The following CES3 variants were observed in gnomAD, a reference collection of about 807,000 sequenced individuals.
CES3 encodes the protein carboxylesterase 3 (brain).
CES3 carries 49 observed loss-of-function variants against 57.6 expected under a neutral mutation model. The observed-to-expected ratio is 0.85, with a 90% CI of 0.68 to 1.08. The LOEUF (loss-of-function observed/expected upper bound fraction) is 1.08, where lower values mean the gene tolerates loss of function less well. Ranked by LOEUF, CES3 falls within the 50% of genes least tolerant of loss-of-function variation. The pLI, the probability that CES3 is intolerant of heterozygous loss-of-function variation, is 0.00. For missense variants in CES3, 645 were observed against 742.0 expected (o/e 0.87, Z 1.52); for synonymous variants, 266 against 281.6 (o/e 0.94, Z 0.55).
chr16:66,962,504 G>A (rs1257976313), intron 1 of CES3, among the ~76,000 whole-genome samples: 6 of 152,240 alleles, frequency 3.9e-5, no homozygotes, highest in South Asian at 2.1e-4. Flanking sequence ...CACACCTGTC[G>A]TCCCAGCACT....
At chr16:66,971,062 C>T in intron 9 of CES3, 110 bp from the exon 10 acceptor site, 1 of 1,258,608 alleles carries the variant, frequency 7.9e-7, no homozygotes. Context: ...TCCCCTGGAC[C>T]ATCAGCCCTG....
chr16:66,961,856 A>C (rs1458910052), intron 1 of CES3, among the ~76,000 whole-genome samples: 1 of 152,018 alleles, frequency 6.6e-6, no homozygotes, highest in Non-Finnish European at 1.5e-5. Flanking sequence ...GAGCCACCGC[A>C]CCTGGCCTGT....
At chr16:66,967,533 C>T (rs575466409) in intron 8 of CES3, 15 of 985,364 alleles carry the variant, frequency 1.5e-5, no homozygotes, top group Admixed American at 1.2e-4. Context: ...ATCAAGCCAC[C>T]GGGGACTTCA....
Position 66,973,516 on chromosome 16 carries a change from G to C in CES3, c.*467G>C, listed in dbSNP as rs1025126665. ...AGGATCGGGTGGGACCTGGAGCTAG[G>C]GGGTGTTTGCTGAGTGAGTGAGTGA... On this transcript the variant is annotated 3_prime_UTR_variant, in exon 13 of 13. Transcript: ENST00000303334. 1.3e-5 allele frequency: 2 copies of C among 157,662 alleles called. No homozygotes were observed. The highest frequency in any genetic ancestry group is 2.8e-5 in the Non-Finnish European group (2 of 71,354). The allele number at this position is 157,662 out of a possible 1,614,324, so 9.8% of individuals were successfully genotyped here.
At chr16:66,964,757 T>C (rs766755956) in intron 6 of CES3, 30 bp downstream of exon 6, 9 of 1,583,728 alleles carry the variant, frequency 5.7e-6, no homozygotes, top group African/African-American at 1.3e-5. Flanking sequence ...TCTTACTCTA[T>C]GTGTGCCTCC....
intron 10 of CES3, among the ~76,000 whole-genome samples, chr16:66,971,999 T>C (rs1346790994): frequency 6.6e-6 from 1 of 152,066 alleles, no homozygotes; most frequent in Non-Finnish European, 1.5e-5. Flanking sequence ...TAGCCGGGCA[T>C]GGTGGTACAC....
At chr16:66,965,912 C>A (rs1349384762) in intron 6 of CES3, among the ~76,000 whole-genome samples, 1 of 152,114 alleles carries the variant, frequency 6.6e-6, no homozygotes, top group African/African-American at 2.4e-5. Flanking sequence ...TGCACTCCAG[C>A]CTGGGCGACA....
At chr16:66,966,899 C>T in intron 8 of CES3, 34 bp downstream of exon 8, 1 of 1,611,626 alleles carries the variant, frequency 6.2e-7, no homozygotes. Flanking sequence ...CCTTCAAGGC[C>T]CTGCCCCAGC....
chr16:66,964,502 T>C lies in CES3; in HGVS notation c.706T>C (p.Ser236Pro), dbSNP rs1195507628. ...FGGSAGGSIISGLVLSPVAAG... is the reference protein window; with the variant it reads ...FGGSAGGSIIPGLVLSPVAAG... ...TGGATCTGCCGGTGGGAGCATCATCTCTGGCCTGGTAAGTCACTATAGGGG... is the reference window on the plus strand; with the variant it reads ...TGGATCTGCCGGTGGGAGCATCATCCCTGGCCTGGTAAGTCACTATAGGGG... The change falls in exon 5 of 13, where the codon TCT becomes CCT. Residue 236 changes from serine to proline, a missense_variant. Transcript: ENST00000303334. 6.2e-7 allele frequency: 1 copy of C among 1,613,622 alleles called. No homozygotes were observed. The highest frequency in any genetic ancestry group is 1.3e-5 in the African/African-American group (1 of 74,790).
intron 1 of CES3, among the ~76,000 whole-genome samples, chr16:66,962,703 C>A (rs1597018468): frequency 6.6e-6 from 1 of 152,200 alleles, no homozygotes; most frequent in South Asian, 2.1e-4. Flanking sequence ...TCGAGACCAG[C>A]CTGGCCAACA....
intron 1 of CES3, 98 bp downstream of exon 1, chr16:66,961,487 T>A: frequency 2.1e-6 from 2 of 942,884 alleles, no homozygotes; most frequent in South Asian, 1.4e-5. Context: ...CAGGAAACAG[T>A]CCTGTTTGGA....
Position 66,963,708 on chromosome 16 carries a change from A to G in CES3, c.426+79A>G. On this transcript the variant is annotated intron_variant, in intron 3 of 12. Coordinates refer to ENST00000303334, the MANE Select transcript of CES3 (RefSeq NM_024922.6). This position sits in a 1 kb window ranked among gnomAD's most constrained non-coding sequence, Gnocchi z 4.9. ...GTCCCCTCCCCGTCCCTGTTTCCAAAGCACCCTAGCGGTCCTGAGACTGCC... is the reference window on the plus strand; with the variant it reads ...GTCCCCTCCCCGTCCCTGTTTCCAAGGCACCCTAGCGGTCCTGAGACTGCC... 6.2e-7 allele frequency: 1 copy of G among 1,612,970 alleles called. No individual in the cohort carries two copies. The highest frequency in any genetic ancestry group is 8.5e-7 in the Non-Finnish European group (1 of 1,179,428).
chr16:66,969,761 T>A lies in CES3; in HGVS notation c.1143+2T>A, dbSNP rs948902865. The stretch of plus-strand genomic sequence containing the variant: ...TCAACACCCGTCTTGACCAGTCTGG[T>A]GAGACAAGAGGCAGGAGGGAGGAAG... On this transcript the variant is annotated splice_donor_variant, in intron 9 of 12. Coordinates refer to ENST00000303334, the MANE Select transcript of CES3 (RefSeq NM_024922.6). LOFTEE classifies it high-confidence loss of function. The A allele has an allele frequency of 3.1e-6, 5 of 1,610,672 alleles. No individual in the cohort carries two copies. The highest frequency in any genetic ancestry group is 4.2e-6 in the Non-Finnish European group (5 of 1,178,562).
chr16:66,972,528 G>A, intron 11 of CES3, 23 bp downstream of exon 11: 2 of 1,608,204 alleles, frequency 1.2e-6, no homozygotes, highest in Non-Finnish European at 1.7e-6. Flanking sequence ...AGACAGACAT[G>A]TGATCCCTAG....
chr16:66,967,873 C>A, intron 8 of CES3: 1 of 585,394 alleles, frequency 1.7e-6, no homozygotes. Context: ...GCAATCCTCC[C>A]AGCTTCCTGA....
Position 66,972,342 on chromosome 16 carries a change from T to C in CES3, c.1292-14T>C. 6.3e-7 allele frequency: 1 copy of C among 1,577,516 alleles called. No individual in the cohort carries two copies. Among genetic ancestry groups the C allele is most frequent in the Non-Finnish European group, 8.6e-7 (1 of 1,160,554 alleles). On this transcript the variant is annotated splice_polypyrimidine_tract_variant and intron_variant, in intron 10 of 12. Coordinates refer to ENST00000303334, the MANE Select transcript of CES3 (RefSeq NM_024922.6). ...CCATGAGTGCCTAACTCCCATCCCA[T>C]CCTTTCTCTGTAGATTCTGGAAGCC...
At chr16:66,971,638 G>T (rs746490728) in intron 10 of CES3, among the ~76,000 whole-genome samples, 1 of 152,030 alleles carries the variant, frequency 6.6e-6, no homozygotes, top group Non-Finnish European at 1.5e-5. Flanking sequence ...CAGCACTTCT[G>T]GGGGGAAAGT....
chr16:66,967,559 C>A, intron 8 of CES3: 1 of 985,472 alleles, frequency 1.0e-6, no homozygotes, highest in South Asian at 4.7e-5. Context: ...CAAGTCCCTT[C>A]CATTCCTTTC....
At chr16:66,971,055 C>T (rs1470831231) in intron 9 of CES3, 117 bp from the exon 10 acceptor site, 1 of 1,218,034 alleles carries the variant, frequency 8.2e-7, no homozygotes, top group East Asian at 2.6e-5. Flanking sequence ...CTGGCTGTCC[C>T]CTGGACCATC....
Sources: allele counts gnomAD v4.1 joint callset (sites outside exome capture counted in the v4.1 genomes callset), GRCh38; gene constraint gnomAD v4.1.1; non-coding constraint Gnocchi (gnomAD v3.1); transcripts MANE v1.5; gene names NCBI Gene and HGNC (gene_info 2026-07-23, HGNC 2026-07-21).